Variants in BMP2K observed in about 807,000 individuals in gnomAD.
BMP2K encodes the protein BMP2 inducible kinase.
BMP2K carries 74 observed loss-of-function variants against 116.0 expected under a neutral mutation model. That is an observed-to-expected ratio of 0.64 (90% CI 0.53 to 0.77). The LOEUF (loss-of-function observed/expected upper bound fraction) is 0.77, where lower values mean the gene tolerates loss of function less well. Ranked by LOEUF, BMP2K falls within the 30% of genes least tolerant of loss-of-function variation. The probability of loss-of-function intolerance (pLI) is 0.00; values close to 1 mark genes in which losing one functional copy is unlikely to be tolerated. For missense variants in BMP2K, 1,365 were observed against 1,403.6 expected (o/e 0.97, Z 0.44); for synonymous variants, 486 against 502.5 (o/e 0.97, Z 0.44).
intron 1 of BMP2K, among the ~76,000 whole-genome samples, chr4:78,780,855 G>A (rs1420944232): frequency 2.6e-5 from 4 of 152,160 alleles, no homozygotes; most frequent in Non-Finnish European, 5.9e-5. Flanking sequence ...TATATGTGTC[G>A]TGAAGACAAT....
At chr4:78,895,762 TTTG>T (rs778172927) in intron 15 of BMP2K, among the ~76,000 whole-genome samples, 20 of 152,138 alleles carry the variant, frequency 1.3e-4, no homozygotes, top group South Asian at 2.1e-4. Flanking sequence ...GAACACAGCT[TTTG>T]TTGTTGTTGT....
chr4:78,884,832 C>G (rs1733005253), intron 14 of BMP2K, among the ~76,000 whole-genome samples: 1 of 152,114 alleles, frequency 6.6e-6, no homozygotes, highest in African/African-American at 2.4e-5. Flanking sequence ...TGATTGTGGC[C>G]TCCCACCACA....
chr4:78,803,007 G>A (rs562465366), intron 1 of BMP2K, among the ~76,000 whole-genome samples: 17 of 151,816 alleles, frequency 1.1e-4, no homozygotes, highest in South Asian at 8.3e-4. Context: ...CTGCCACCAC[G>A]CCCAGCTAAT....
intron 13 of BMP2K, among the ~76,000 whole-genome samples, chr4:78,876,779 A>C (rs1732652210): frequency 6.6e-6 from 1 of 152,250 alleles, no homozygotes; most frequent in African/African-American, 2.4e-5. Flanking sequence ...CTATACAGTC[A>C]TGCATTGCAT....
In BMP2K at chr4:78,831,471, A is replaced by G. The variant is rs370759030; in HGVS notation, c.298-2111A>G. ...ATAATAAAGCAAAGTACCACTTTTT[A>G]AAAATGTAGCACAATAAAATGAGGT... On this transcript the variant is annotated intron_variant, in intron 2 of 15. Transcript: ENST00000502613. 6.6e-5 allele frequency among the ~76,000 whole-genome samples: 10 copies of G among 152,366 alleles called. No homozygotes were observed. The East Asian group carries it at 1.2e-3, about 18-fold the overall frequency.
intron 14 of BMP2K, among the ~76,000 whole-genome samples, chr4:78,880,287 G>C (rs1276005179): frequency 6.6e-6 from 1 of 152,142 alleles, no homozygotes; most frequent in Non-Finnish European, 1.5e-5. Flanking sequence ...GGTCAGGCTG[G>C]TCTCAAACTC....
At chr4:78,871,201 A>G in intron 11 of BMP2K, 141 bp downstream of exon 11, 1 of 1,427,478 alleles carries the variant, frequency 7.0e-7, no homozygotes, top group South Asian at 1.4e-5. Context: ...TAATTATGAA[A>G]GAATACGTAT....
chr4:78,844,065 C>T (rs1730885406), intron 4 of BMP2K, among the ~76,000 whole-genome samples: 1 of 151,596 alleles, frequency 6.6e-6, no homozygotes, highest in South Asian at 2.1e-4. Context: ...AATTACTTAT[C>T]TAAGACTATC....
At chr4:78,813,493 GCT>G (rs1729187031) in intron 1 of BMP2K, among the ~76,000 whole-genome samples, 1 of 152,114 alleles carries the variant, frequency 6.6e-6, no homozygotes. Flanking sequence ...GCATGATCTG[GCT>G]CTCTGTTTAC....
chr4:78,819,344 T>C (rs1729508828), intron 1 of BMP2K, among the ~76,000 whole-genome samples: 1 of 152,204 alleles, frequency 6.6e-6, no homozygotes, highest in Admixed American at 6.5e-5. Context: ...TGTGAGCCAC[T>C]GTGCCTGGCC....
intron 1 of BMP2K, among the ~76,000 whole-genome samples, chr4:78,804,777 CTT>C (rs1020176318): frequency 7.7e-6 from 1 of 130,376 alleles, no homozygotes; most frequent in African/African-American, 2.9e-5. Flanking sequence ...ATTGGGTTGT[CTT>C]TTTATTGTTC....
At chr4:78,867,462 T>G (rs924524395) in intron 10 of BMP2K, among the ~76,000 whole-genome samples, 4 of 152,236 alleles carry the variant, frequency 2.6e-5, no homozygotes, top group African/African-American at 9.6e-5. Context: ...AATCCTGATG[T>G]CAGGGGCCGT....
At chr4:78,859,375 T>TCG in intron 7 of BMP2K, 14 of 379,268 alleles carry the variant, frequency 3.7e-5, no homozygotes, top group South Asian at 2.6e-4. Flanking sequence ...AGAGCTGTTC[T>TCG]GTGATTGATC....
At chr4:78,867,635 A>G (rs1272898790) in intron 10 of BMP2K, among the ~76,000 whole-genome samples, 1 of 152,226 alleles carries the variant, frequency 6.6e-6, no homozygotes, top group Non-Finnish European at 1.5e-5. Flanking sequence ...AGTAGTATTC[A>G]GTGAAAATGT....
intron 1 of BMP2K, among the ~76,000 whole-genome samples, chr4:78,820,253 C>G (rs1276140901): frequency 6.6e-6 from 1 of 152,170 alleles, no homozygotes; most frequent in Non-Finnish European, 1.5e-5. Flanking sequence ...TCATCTATTG[C>G]TATGTGCGAT....
intron 3 of BMP2K, among the ~76,000 whole-genome samples, chr4:78,836,882 T>C (rs977663822): frequency 1.3e-5 from 2 of 152,226 alleles, no homozygotes; most frequent in South Asian, 2.1e-4. Context: ...GTGACATCTT[T>C]TCTCCATGGA....
chr4:78,795,167 C>A (rs190197315), intron 1 of BMP2K, among the ~76,000 whole-genome samples: 1 of 152,314 alleles, frequency 6.6e-6, no homozygotes, highest in Admixed American at 6.5e-5. Context: ...TCACATTTAT[C>A]GCAGTGTGCC....
At chr4:78,822,209 T>G (rs941026839) in intron 1 of BMP2K, among the ~76,000 whole-genome samples, 1 of 105,794 alleles carries the variant, frequency 9.5e-6, no homozygotes, top group Non-Finnish European at 1.6e-5. Flanking sequence ...TGAAACAAAT[T>G]TTTAGATTGG....
At chr4:78,865,457 A>C in intron 9 of BMP2K, 100 bp from the exon 10 acceptor site, 2 of 1,100,938 alleles carry the variant, frequency 1.8e-6, no homozygotes, top group Non-Finnish European at 1.3e-6. Context: ...GATTATCAGT[A>C]ATAGTTAAAA....
Sources: allele counts gnomAD v4.1 joint callset (sites outside exome capture counted in the v4.1 genomes callset), GRCh38; gene constraint gnomAD v4.1.1; transcripts MANE v1.5; gene names NCBI Gene and HGNC (gene_info 2026-07-23, HGNC 2026-07-21).